The following MACF1 variants were observed in gnomAD, a reference collection of about 807,000 sequenced individuals.
MACF1 encodes the protein microtubule actin crosslinking factor 1.
A neutral mutation model predicts 854.8 loss-of-function variants in MACF1; 193 were observed. That is an observed-to-expected ratio of 0.23 (90% CI 0.20 to 0.25). The LOEUF is 0.25. MACF1 is among the 10% of genes least tolerant of loss of function. MACF1 has a pLI of 1.00. For missense variants in MACF1, 7,722 were observed against 8,929.1 expected, an observed-to-expected ratio of 0.86 and a Z score of 5.45; for synonymous variants, 3,185 against 3,226.7, an observed-to-expected ratio of 0.99 and a Z score of 0.44.
intron 58 of MACF1, chr1:39,411,675 TGAAAAG>T (rs1276662559): frequency 6.2e-7 from 1 of 1,613,798 alleles, no homozygotes; most frequent in African/African-American, 1.3e-5. Flanking sequence ...TTCTTGAACT[TGAAAAG>T]GAGTGTTTAT....
At chr1:39,289,848 C>T (rs528102280) in intron 15 of MACF1, among the ~76,000 whole-genome samples, 103 of 151,592 alleles carry the variant, frequency 6.8e-4, no homozygotes, top group African/African-American at 2.3e-3. Flanking sequence ...ACTACAGGCA[C>T]GCGCCACCAT....
chr1:39,119,782 G>C (rs1049059458), intron 2 of MACF1, among the ~76,000 whole-genome samples: 2 of 150,834 alleles, frequency 1.3e-5, no homozygotes, highest in Admixed American at 6.6e-5. Context: ...TGAATGCTTT[G>C]TGTATACTAA....
At chr1:39,311,226 A>G (rs1646293460) in intron 26 of MACF1, among the ~76,000 whole-genome samples, 1 of 152,266 alleles carries the variant, frequency 6.6e-6, no homozygotes, top group South Asian at 2.1e-4. Context: ...TGAGAAGGCA[A>G]ACAGACTAGT....
chr1:39,241,541 T>C (rs1644923002), intron 2 of MACF1, among the ~76,000 whole-genome samples: 1 of 150,248 alleles, frequency 6.7e-6, no homozygotes, highest in Admixed American at 6.7e-5. Flanking sequence ...ATGCCTGTAA[T>C]ACCAACTACT....
chr1:39,433,036 T>C lies in MACF1; in HGVS notation c.17458-12T>C. 1 of 1,546,148 alleles carries C rather than the reference T, an allele frequency of 6.5e-7. No individual in the cohort carries two copies. Among genetic ancestry groups the C allele is most frequent in the Non-Finnish European group, 8.9e-7 (1 of 1,123,128 alleles). ...GTCTTTTTACTTCTTAACTACAGTT[T>C]ACTTTTCAAAGGCTTTCTCCATTGA... On this transcript the variant is annotated splice_polypyrimidine_tract_variant and intron_variant, in intron 67 of 100. Coordinates refer to ENST00000564288, the MANE Select transcript of MACF1 (RefSeq NM_001394062.1).
rs1647818085 is a variant in MACF1, at chr1:39,358,797, C to G, written c.12044C>G (p.Ala4015Gly). ...SLQAWMQACE[A>G]NVEKLLSDTV... is the part of the protein sequence containing the mutation. Reference sequence around the variant, plus strand: ...CAGGCCTGGATGCAGGCTTGTGAGGCCAACGTGGAGAAGCTCCTCTCAGAT... The same window carrying G: ...CAGGCCTGGATGCAGGCTTGTGAGGGCAACGTGGAGAAGCTCCTCTCAGAT... Residue 4015 changes from alanine to glycine, a missense_variant, in exon 46 of 101, where the codon GCC becomes GGC. Ala to Gly is a moderately conservative substitution (Grantham distance 60, BLOSUM62 0). Around this residue, in one of 15 missense-constraint regions of MACF1, gnomAD observed 2,807 missense variants for 3,235.8 expected, o/e 0.87. Coordinates refer to ENST00000564288, the MANE Select transcript of MACF1 (RefSeq NM_001394062.1). 1 of 1,613,704 alleles carries G rather than the reference C, an allele frequency of 6.2e-7. No individual in the cohort carries two copies. Among genetic ancestry groups the G allele is most frequent in the Non-Finnish European group, 8.5e-7 (1 of 1,179,958 alleles).
intron 6 of MACF1, among the ~76,000 whole-genome samples, chr1:39,279,818 C>T (rs1170792305): frequency 6.6e-6 from 1 of 152,108 alleles, no homozygotes; most frequent in African/African-American, 2.4e-5. Context: ...CTTTCAAACA[C>T]ATATCTGTCT....
chr1:39,399,292 C>T (rs192134219), intron 58 of MACF1, among the ~76,000 whole-genome samples: 1 of 151,976 alleles, frequency 6.6e-6, no homozygotes, highest in East Asian at 1.9e-4. Flanking sequence ...TACACTACAT[C>T]CAGTTACCCC....
chr1:39,205,263 TAAG>T lies in MACF1; in HGVS notation c.109+134_109+136del, dbSNP rs1479312127. ...CCTTCAGCTGGGGTGCTGTCAGACT[TAAG>T]AGTGTGTGTGTGTGAGTATAATGAA... On this transcript the variant is annotated intron_variant, in intron 1 of 100. Transcript: ENST00000564288. 9 of 643,738 alleles carry T rather than the reference TAAG, an allele frequency of 1.4e-5. No homozygotes were observed. The Admixed American group carries it at 2.1e-4, about 15-fold the overall frequency. 39.9% of individuals were successfully genotyped at this position (643,738 alleles called of 1,614,324 possible).
chr1:39,467,367 A>AAAAAAG, intron 95 of MACF1, among the ~76,000 whole-genome samples: 1 of 152,308 alleles, frequency 6.6e-6, no homozygotes, highest in East Asian at 1.9e-4. Context: ...TCCATCTCAA[A>AAAAAAG]AAAAAGAAAA....
chr1:39,414,033 C>A, intron 58 of MACF1: 1 of 1,607,980 alleles, frequency 6.2e-7, no homozygotes, highest in Non-Finnish European at 8.5e-7. Context: ...AACCCACCTC[C>A]TCAGCAGCTG....
At chr1:39,282,520 A>G in intron 7 of MACF1, 146 bp downstream of exon 7, 1 of 991,160 alleles carries the variant, frequency 1.0e-6, no homozygotes, top group East Asian at 2.8e-5. Context: ...TTATTTAACT[A>G]CTTTTCTAGG....
intron 2 of MACF1, among the ~76,000 whole-genome samples, chr1:39,123,720 T>A (rs1259008578): frequency 3.0e-5 from 4 of 134,158 alleles, no homozygotes; most frequent in Non-Finnish European, 6.4e-5. Flanking sequence ...TTGTTTTGTT[T>A]TTTTTTTTTT....
chr1:39,452,393 T>A (rs1174786144), intron 86 of MACF1, 43 bp downstream of exon 86: 1 of 1,547,396 alleles, frequency 6.5e-7, no homozygotes, highest in Admixed American at 2.0e-5. Context: ...TAGATCTGAG[T>A]GGGTTTATTT....
At chr1:39,392,448 T>C (rs956793262) in intron 58 of MACF1, among the ~76,000 whole-genome samples, 1 of 152,216 alleles carries the variant, frequency 6.6e-6, no homozygotes, top group African/African-American at 2.4e-5. Flanking sequence ...ATTCAAATTA[T>C]TTTTAATAAG....
At chr1:39,476,612 T>C (rs899708030) in intron 97 of MACF1, among the ~76,000 whole-genome samples, 10 of 151,830 alleles carry the variant, frequency 6.6e-5, no homozygotes, top group Admixed American at 4.6e-4. Flanking sequence ...TAAGGAAATA[T>C]CGTGGATACA....
chr1:39,422,457 A>C lies in MACF1; in HGVS notation c.15900A>C (p.Ala5300=). 1 of 1,614,080 alleles carries C rather than the reference A, an allele frequency of 6.2e-7. No homozygotes were observed. Among genetic ancestry groups the C allele is most frequent in the Non-Finnish European group, 8.5e-7 (1 of 1,179,910 alleles). The change falls in exon 59 of 101, where the codon GCA becomes GCC. Residue 5300 remains alanine (A), a synonymous_variant. Transcript: ENST00000564288. ...TTGGCCAGGGATTAATTCAGAGTGC[A>C]GGAAAAGACTGTGATGTACAGGGTT... ...NGLGQGLIQS[A]GKDCDVQGLE...
At position 39,438,024 on chromosome 1, in the gene MACF1, C is replaced by A; in HGVS notation, c.18220+16C>A. On this transcript the variant is annotated intron_variant, in intron 71 of 100. Transcript: ENST00000564288. Reference sequence around the variant, plus strand: ...GCTGCAAAAGGTGCTTGATGATTGTCATTATTTTTAAAAATCAACAGAATA... The same window carrying A: ...GCTGCAAAAGGTGCTTGATGATTGTAATTATTTTTAAAAATCAACAGAATA... 1 of 1,603,056 alleles carries A rather than the reference C, an allele frequency of 6.2e-7. No individual in the cohort carries two copies.
chr1:39,231,892 A>T (rs1349008196), intron 2 of MACF1, among the ~76,000 whole-genome samples: 1 of 151,406 alleles, frequency 6.6e-6, no homozygotes, highest in African/African-American at 2.4e-5. Flanking sequence ...ATAGAGGGGG[A>T]TTTTCTCTCT....
Sources: allele counts gnomAD v4.1 joint callset (sites outside exome capture counted in the v4.1 genomes callset), GRCh38; gene constraint gnomAD v4.1.1; regional missense constraint gnomAD v4.1.1; transcripts MANE v1.5; gene names NCBI Gene and HGNC (gene_info 2026-07-23, HGNC 2026-07-21).